The following LRRFIP1 variants were observed in gnomAD, a reference collection of about 807,000 sequenced individuals.
The protein encoded by LRRFIP1 is leucine-rich repeat flightless-interacting protein 1.
LRRFIP1 carries 62 observed loss-of-function variants against 104.4 expected under a neutral mutation model. The observed-to-expected ratio is 0.59, with a 90% CI of 0.48 to 0.73. The LOEUF is 0.73. LRRFIP1 is among the 30% of genes least tolerant of loss of function. LRRFIP1 has a pLI of 0.00. For missense variants in LRRFIP1, 796 were observed against 824.5 expected, an observed-to-expected ratio of 0.97 and a Z score of 0.42; for synonymous variants, 300 against 299.0, an observed-to-expected ratio of 1.00 and a Z score of -0.03.
At chr2:237,698,634 C>G (rs2093337847) in intron 1 of LRRFIP1, among the ~76,000 whole-genome samples, 1 of 152,228 alleles carries the variant, frequency 6.6e-6, no homozygotes, top group Non-Finnish European at 1.5e-5. Context: ...TAATTTCAGT[C>G]TACTCCATAA....
At chr2:237,659,340 C>T (rs958563536) in intron 1 of LRRFIP1, among the ~76,000 whole-genome samples, 1 of 151,864 alleles carries the variant, frequency 6.6e-6, no homozygotes, top group Non-Finnish European at 1.5e-5. Flanking sequence ...AAGCAATCCT[C>T]CTGCCCCGAC....
chr2:237,707,883 T>C (rs1238842969), intron 1 of LRRFIP1, among the ~76,000 whole-genome samples: 1 of 152,206 alleles, frequency 6.6e-6, no homozygotes, highest in Non-Finnish European at 1.5e-5. Flanking sequence ...CGTTCTGCTA[T>C]GATCTTCATT....
At chr2:237,698,816 T>C (rs1269647373) in intron 1 of LRRFIP1, among the ~76,000 whole-genome samples, 1 of 152,200 alleles carries the variant, frequency 6.6e-6, no homozygotes, top group East Asian at 1.9e-4. Context: ...AGACGAGAGA[T>C]CCACACTGGA....
At chr2:237,634,370 G>T (rs1307401039) in intron 1 of LRRFIP1, among the ~76,000 whole-genome samples, 1 of 152,208 alleles carries the variant, frequency 6.6e-6, no homozygotes, top group Non-Finnish European at 1.5e-5. Flanking sequence ...ATAGTTCATT[G>T]TAGTGTGGGG....
intron 1 of LRRFIP1, among the ~76,000 whole-genome samples, chr2:237,643,245 T>G (rs2084308643): frequency 6.6e-6 from 1 of 152,156 alleles, no homozygotes; most frequent in South Asian, 2.1e-4. Flanking sequence ...CCTCTCCAAT[T>G]GGAGGAGAGC....
At chr2:237,657,486 G>T (rs188247522) in intron 1 of LRRFIP1, among the ~76,000 whole-genome samples, 106 of 152,066 alleles carry the variant, frequency 7.0e-4, no homozygotes, top group African/African-American at 2.4e-3. Context: ...GAGAAGACAG[G>T]CAAAAAACAA....
chr2:237,751,399 C>A, intron 14 of LRRFIP1, 128 bp downstream of exon 14: 1 of 713,358 alleles, frequency 1.4e-6, no homozygotes, highest in Non-Finnish European at 2.3e-6. Flanking sequence ...TAGAAGAACT[C>A]ACAATGGCAG....
intron 11 of LRRFIP1, 50 bp downstream of exon 11, chr2:237,739,359 C>T: frequency 6.8e-7 from 1 of 1,467,256 alleles, no homozygotes. Flanking sequence ...CCTCCCTCCC[C>T]CTTCCCTTAT....
intron 1 of LRRFIP1, among the ~76,000 whole-genome samples, chr2:237,669,884 CGTGGCATAGAGCCT>C (rs1186762869): frequency 1.3e-5 from 2 of 152,140 alleles, no homozygotes; most frequent in African/African-American, 2.4e-5. Flanking sequence ...GATGTGTGCA[CGTGGCATAGAGCCT>C]CGCACGTTGC....
At position 237,703,193 on chromosome 2, in the gene LRRFIP1, GTATGCACAGTCTCGT is replaced by G. The variant is rs1338986959; in HGVS notation, c.97-5350_97-5336del. ...TGACTCAACCTGCAGGCCGTCTGGG[GTATGCACAGTCTCGT>G]CTCCTGAGTTCTCTGAAGCCCTTTG... On this transcript the variant is annotated intron_variant, in intron 1 of 23. Transcript: ENST00000308482. The surrounding 1 kb of genome is among the most constrained non-coding windows in gnomAD (Gnocchi z 4.3). Among the ~76,000 whole-genome samples, 1 of 152,160 alleles carries G rather than the reference GTATGCACAGTCTCGT, an allele frequency of 6.6e-6. No homozygotes were observed. Among genetic ancestry groups the G allele is most frequent in the Non-Finnish European group, 1.5e-5 (1 of 68,034 alleles).
Position 237,774,398 on chromosome 2 carries a change from C to T in LRRFIP1, c.1748C>T (p.Ala583Val), listed in dbSNP as rs761621193. The T allele has an allele frequency of 1.4e-5, 22 of 1,613,390 alleles. No homozygotes were observed. The highest frequency in any genetic ancestry group is 1.6e-4 in the Middle Eastern group (1 of 6,084). The change falls in exon 23 of 24, where the codon GCG becomes GTG. Residue 583 changes from alanine (A) to valine (V), a missense_variant. Coordinates refer to ENST00000308482, the MANE Select transcript of LRRFIP1 (RefSeq NM_001137550.2). ...AGTCAAGTATCACGTTACAAATCAGCGGCTGAAAATGCAGAAAAAATAGAA... is the reference window on the plus strand; with the variant it reads ...AGTCAAGTATCACGTTACAAATCAGTGGCTGAAAATGCAGAAAAAATAGAA... The part of the protein sequence containing the change: ...LESQVSRYKS[A>V]AENAEKIEDE...
chr2:237,688,842 C>G (rs1051723863), intron 1 of LRRFIP1, among the ~76,000 whole-genome samples: 1 of 151,852 alleles, frequency 6.6e-6, no homozygotes, highest in African/African-American at 2.4e-5. Flanking sequence ...GTTTTGTCTT[C>G]GAGGTGTATG....
intron 1 of LRRFIP1, among the ~76,000 whole-genome samples, chr2:237,690,200 C>T (rs1172033305): frequency 2.0e-5 from 3 of 152,156 alleles, no homozygotes; most frequent in African/African-American, 4.8e-5. Flanking sequence ...GGAAACCAGT[C>T]CCAGTACCCT....
chr2:237,688,441 C>CTT (rs5839674), intron 1 of LRRFIP1, among the ~76,000 whole-genome samples: 3 of 132,508 alleles, frequency 2.3e-5, no homozygotes, highest in Non-Finnish European at 4.7e-5. Context: ...GATGGACCCC[C>CTT]TTTTTTTTTT....
chr2:237,760,714 G>A (rs995549792), intron 19 of LRRFIP1, among the ~76,000 whole-genome samples: 11 of 152,154 alleles, frequency 7.2e-5, no homozygotes, highest in African/African-American at 1.9e-4. Context: ...CAGCAGGTCC[G>A]TCTGTGTTGC....
chr2:237,699,341 CTTTTCTTTTTTTTTT>C (rs1042007531), intron 1 of LRRFIP1, among the ~76,000 whole-genome samples: 6 of 146,888 alleles, frequency 4.1e-5, no homozygotes, highest in South Asian at 4.3e-4. Flanking sequence ...AGTGGTTTTT[CTTTTCTTTTTTTTTT>C]TTTTCTTTTT....
intron 19 of LRRFIP1, among the ~76,000 whole-genome samples, chr2:237,767,323 C>G (rs1225960264): frequency 6.6e-6 from 1 of 152,166 alleles, no homozygotes; most frequent in Non-Finnish European, 1.5e-5. Flanking sequence ...CCAGCCATAT[C>G]CCCAGACGAA....
intron 1 of LRRFIP1, among the ~76,000 whole-genome samples, chr2:237,689,712 TGGA>T (rs981459076): frequency 2.6e-5 from 4 of 152,154 alleles, no homozygotes; most frequent in Admixed American, 2.0e-4. Context: ...CTTCCTGCTA[TGGA>T]GGAGGAGGAG....
chr2:237,642,544 TTCCAGGC>T lies in LRRFIP1; in HGVS notation c.96+14818_96+14824del, dbSNP rs543008868. On this transcript the variant is annotated intron_variant, in intron 1 of 23. Coordinates refer to ENST00000308482, the MANE Select transcript of LRRFIP1 (RefSeq NM_001137550.2). ...CAGGCTAAGGGTTTCAGGTTCCAGGTTCCAGGCTCCAGGCTCCAGGTTCTAGGTTAAG... is the reference window on the plus strand; with the variant it reads ...CAGGCTAAGGGTTTCAGGTTCCAGGTTCCAGGCTCCAGGTTCTAGGTTAAG... Among the ~76,000 whole-genome samples the T allele has an allele frequency of 7.8e-3, 1,190 of 151,884 alleles. 18 individuals are homozygous for T. Among genetic ancestry groups the T allele is most frequent in the African/African-American group, 0.027 (1,102 of 41,380 alleles).
Sources: gnomAD v4.1 joint callset for allele counts (sites outside exome capture counted in the v4.1 genomes callset) on GRCh38, gnomAD v4.1.1 for gene constraint, Gnocchi (gnomAD v3.1) non-coding constraint, MANE v1.5 for transcripts, NCBI Gene and HGNC (gene_info 2026-07-23, HGNC 2026-07-21) for gene names.